The following NLGN1 variants were observed in gnomAD, a reference collection of about 807,000 sequenced individuals.
The protein encoded by NLGN1 is neuroligin-1.
NLGN1 carries 12 observed loss-of-function variants against 65.5 expected under a neutral mutation model. That is an observed-to-expected ratio of 0.18 (90% confidence interval 0.12 to 0.30). The LOEUF (loss-of-function observed/expected upper bound fraction) is 0.30, where lower values mean the gene tolerates loss of function less well. Ranked by LOEUF, NLGN1 falls within the 10% of genes least tolerant of loss-of-function variation. The pLI is 1.00. For missense variants in NLGN1, 750 were observed against 1,007.1 expected (o/e 0.74, Z 3.46); for synonymous variants, 350 against 359.5 (o/e 0.97, Z 0.30).
At chr3:173,999,783 C>G (rs1256263728) in intron 4 of NLGN1, among the ~76,000 whole-genome samples, 1 of 152,070 alleles carries the variant, frequency 6.6e-6, no homozygotes. Flanking sequence ...ATTGACCTTT[C>G]AATTGAAAGA....
At chr3:173,465,581 A>G (rs1372934235) in intron 2 of NLGN1, among the ~76,000 whole-genome samples, 3 of 152,338 alleles carry the variant, frequency 2.0e-5, no homozygotes, top group African/African-American at 4.8e-5. Context: ...CAGAATGAAC[A>G]TCGGAAAATA....
At chr3:174,136,926 A>T (rs766043720) in intron 4 of NLGN1, among the ~76,000 whole-genome samples, 59 of 152,282 alleles carry the variant, frequency 3.9e-4, no homozygotes, top group Non-Finnish European at 7.9e-4. Flanking sequence ...AAAATACCGT[A>T]AATGGAAAGT....
intron 2 of NLGN1, among the ~76,000 whole-genome samples, chr3:173,564,383 G>C (rs1452172836): frequency 1.3e-5 from 2 of 152,234 alleles, no homozygotes; most frequent in African/African-American, 4.8e-5. Context: ...ACTGAGAAAT[G>C]AATATTTAAG....
chr3:173,499,169 A>G (rs1730564463), intron 2 of NLGN1, among the ~76,000 whole-genome samples: 1 of 151,706 alleles, frequency 6.6e-6, no homozygotes, highest in Non-Finnish European at 1.5e-5. Flanking sequence ...GTTTTCTTCT[A>G]GGGTTTTTAT....
intron 1 of NLGN1, among the ~76,000 whole-genome samples, chr3:173,404,276 TTGA>T (rs1448976109): frequency 6.6e-6 from 1 of 151,986 alleles, no homozygotes; most frequent in African/African-American, 2.4e-5. Context: ...AAGAATGGGG[TTGA>T]TATCTCTCTC....
chr3:174,174,455 C>T (rs1049666339), intron 4 of NLGN1, among the ~76,000 whole-genome samples: 3 of 151,948 alleles, frequency 2.0e-5, no homozygotes, highest in African/African-American at 7.2e-5. Flanking sequence ...TAGAAGTGTT[C>T]CCTATTCACC....
At chr3:173,499,934 A>T (rs185953517) in intron 2 of NLGN1, among the ~76,000 whole-genome samples, 5 of 151,976 alleles carry the variant, frequency 3.3e-5, no homozygotes, top group Admixed American at 2.6e-4. Context: ...GAAATTGCCT[A>T]TCAGCTTAAG....
intron 2 of NLGN1, among the ~76,000 whole-genome samples, chr3:173,547,435 C>G (rs749676619): frequency 6.6e-6 from 1 of 152,114 alleles, no homozygotes; most frequent in East Asian, 1.9e-4. Flanking sequence ...GAATGTGCTG[C>G]GGAGCCTGGG....
intron 4 of NLGN1, among the ~76,000 whole-genome samples, chr3:173,962,959 A>G (rs1392773396): frequency 1.3e-5 from 2 of 152,190 alleles, no homozygotes; most frequent in Non-Finnish European, 2.9e-5. Context: ...ATCCTAAACT[A>G]TTATTACGAT....
chr3:174,173,335 A>C (rs11927784), intron 4 of NLGN1, among the ~76,000 whole-genome samples: 25,929 of 151,910 alleles, frequency 0.17, 4,574 homozygotes, highest in African/African-American at 0.45. Flanking sequence ...GCTAAAACTT[A>C]AGTATTATGT....
rs115713565 is a variant in NLGN1 at position 173,873,521 on chromosome 3, G to A, written c.646+65689G>A. ...AAGCATTTAAAAGACAGAAGCATGTGTAATTGTAGATTTTGGGGGTTATTA... is the reference window on the plus strand; with the variant it reads ...AAGCATTTAAAAGACAGAAGCATGTATAATTGTAGATTTTGGGGGTTATTA... On this transcript the variant is annotated intron_variant, in intron 4 of 6. Transcript: ENST00000457714. Among the ~76,000 whole-genome samples, 93 of 152,314 alleles carry A rather than the reference G, an allele frequency of 6.1e-4. 1 individual carries two copies. Among genetic ancestry groups the A allele is most frequent in the African/African-American group, 2.2e-3 (91 of 41,576 alleles).
rs551684788 is a variant in NLGN1, at chr3:173,568,319, C to T, written c.-320-35960C>T. Among the ~76,000 whole-genome samples, 5 of 150,872 alleles carry T rather than the reference C, an allele frequency of 3.3e-5. No homozygotes were observed. The South Asian group carries it at 1.1e-3, about 32-fold the overall frequency. Reference sequence around the variant, plus strand: ...CAATTTCTTGGCTTACTGCAACTTTCGCCTCCTGGGCTCTGGCAATTCTCC... The same window carrying T: ...CAATTTCTTGGCTTACTGCAACTTTTGCCTCCTGGGCTCTGGCAATTCTCC... On this transcript the variant is annotated intron_variant, in intron 2 of 6. Coordinates refer to ENST00000457714, the Ensembl canonical transcript of NLGN1.
chr3:173,454,637 GC>G (rs1722214553), intron 2 of NLGN1, among the ~76,000 whole-genome samples: 1 of 152,180 alleles, frequency 6.6e-6, no homozygotes, highest in African/African-American at 2.4e-5. Flanking sequence ...CTTTTCTGTA[GC>G]TTCCTCACCT....
chr3:173,754,038 G>GTTTTTTTTTTTT (rs967167484), intron 3 of NLGN1, among the ~76,000 whole-genome samples: 1 of 81,934 alleles, frequency 1.2e-5, no homozygotes, highest in Non-Finnish European at 2.5e-5. Flanking sequence ...TTTTTTTTTT[G>GTTTTTTTTTTTT]TTTTTTTTTT....
intron 3 of NLGN1, among the ~76,000 whole-genome samples, chr3:173,794,578 G>A (rs1713586516): frequency 6.6e-6 from 1 of 152,112 alleles, no homozygotes; most frequent in Non-Finnish European, 1.5e-5. Flanking sequence ...CACAAAGTGT[G>A]AAAGGGTTTA....
At chr3:173,484,857 G>A (rs1684864469) in intron 2 of NLGN1, among the ~76,000 whole-genome samples, 1 of 152,132 alleles carries the variant, frequency 6.6e-6, no homozygotes, top group African/African-American at 2.4e-5. Context: ...TTTCTTAGGG[G>A]TGTGGACCAA....
At chr3:174,010,980 A>G (rs1725427345) in intron 4 of NLGN1, among the ~76,000 whole-genome samples, 1 of 152,146 alleles carries the variant, frequency 6.6e-6, no homozygotes, top group African/African-American at 2.4e-5. Context: ...CATCTCTCCT[A>G]TAATTTGGCT....
chr3:173,784,586 G>A (rs1781661930), intron 3 of NLGN1, among the ~76,000 whole-genome samples: 2 of 151,838 alleles, frequency 1.3e-5, no homozygotes, highest in African/African-American at 4.8e-5. Flanking sequence ...CAGACAGAGA[G>A]AAAGACAGAG....
intron 3 of NLGN1, among the ~76,000 whole-genome samples, chr3:173,770,169 TA>T (rs1779375205): frequency 6.6e-6 from 1 of 152,204 alleles, no homozygotes; most frequent in Non-Finnish European, 1.5e-5. Flanking sequence ...CTTATTCATT[TA>T]TTCTGTGGTG....
Sources: gnomAD v4.1 joint callset for allele counts (sites outside exome capture counted in the v4.1 genomes callset) on GRCh38, gnomAD v4.1.1 for gene constraint, MANE v1.5 for transcripts, NCBI Gene and HGNC (gene_info 2026-07-23, HGNC 2026-07-21) for gene names.